The following PAK4 variants were observed in gnomAD, a reference collection of about 807,000 sequenced individuals.
PAK4 encodes p21 (RAC1) activated kinase 4.
PAK4 carries 49 observed loss-of-function variants against 53.5 expected under a neutral mutation model. The observed-to-expected ratio is 0.92, with a 90% CI of 0.73 to 1.16. The LOEUF (loss-of-function observed/expected upper bound fraction) is 1.16, where lower values mean the gene tolerates loss of function less well. Among genes scored for constraint, PAK4 ranks in the 50% most tolerant of loss-of-function variants. PAK4 has a pLI of 0.00. For synonymous variants in PAK4, 376 were observed against 375.6 expected, an observed-to-expected ratio of 1.00 and a Z score of -0.01; for missense variants, 824 against 850.7, an observed-to-expected ratio of 0.97 and a Z score of 0.39.
At chr19:39,132,623 C>T (rs938020132) in intron 1 of PAK4, among the ~76,000 whole-genome samples, 8 of 152,258 alleles carry the variant, frequency 5.3e-5, no homozygotes, top group East Asian at 3.8e-4. Context: ...AACAGGGCTG[C>T]GCCCGCCTGA....
At chr19:39,133,617 C>T (rs2073754894) in intron 1 of PAK4, among the ~76,000 whole-genome samples, 1 of 152,228 alleles carries the variant, frequency 6.6e-6, no homozygotes, top group African/African-American at 2.4e-5. Flanking sequence ...CCCCACCCAC[C>T]TTCTGCTGTC....
chr19:39,171,206 TG>T (rs1189038021), intron 2 of PAK4, among the ~76,000 whole-genome samples: 2 of 148,404 alleles, frequency 1.3e-5, no homozygotes, highest in East Asian at 4.1e-4. Flanking sequence ...GACTCCCTGT[TG>T]GTTTTTTTTT....
chr19:39,143,309 G>T (rs1482146560), intron 1 of PAK4, among the ~76,000 whole-genome samples: 2 of 136,790 alleles, frequency 1.5e-5, no homozygotes, highest in African/African-American at 2.7e-5. Context: ...AAAAAAAAAA[G>T]GCTGGGTGTG....
chr19:39,169,575 C>T (rs767251919), exon 2 of PAK4: 9 of 1,613,272 alleles, frequency 5.6e-6, no homozygotes, highest in East Asian at 2.2e-5. Flanking sequence ...GAGGAAGAAG[C>T]GGGTGGAGAT....
At chr19:39,138,451 G>C (rs545034209) in intron 1 of PAK4, among the ~76,000 whole-genome samples, 2 of 152,234 alleles carry the variant, frequency 1.3e-5, no homozygotes, top group Non-Finnish European at 2.9e-5. Context: ...CTGACACTGA[G>C]TCTCCCAATC....
At chr19:39,146,988 T>A (rs912314426) in intron 1 of PAK4, among the ~76,000 whole-genome samples, 5 of 151,810 alleles carry the variant, frequency 3.3e-5, no homozygotes, top group Admixed American at 6.6e-5. Context: ...TTTACCCAGT[T>A]TTCCCCAATG....
Position 39,175,518 on chromosome 19 carries a change from G to C in PAK4, c.1359+80G>C. 6 of 1,426,446 alleles carry C rather than the reference G, an allele frequency of 4.2e-6. No individual in the cohort carries two copies. The highest frequency in any genetic ancestry group is 2.4e-5 in the East Asian group (1 of 41,416). The allele number at this position is 1,426,446 out of a possible 1,614,324, so 88.4% of individuals were successfully genotyped here. ...CCCTGCCTCTTCCCATCCCCTGTGA[G>C]GGTAGGTGAGCTCTGACCCCCAGGT... On this transcript the variant is annotated intron_variant, in intron 6 of 8. Transcript: ENST00000358301. The surrounding 1 kb of genome is among the most constrained non-coding windows in gnomAD (Gnocchi z 4.7).
chr19:39,172,792 A>T (rs1016825278), intron 2 of PAK4, 126 bp from the exon 4 acceptor site: 107 of 806,380 alleles, frequency 1.3e-4, no homozygotes, highest in Non-Finnish European at 1.7e-4. Flanking sequence ...ACTCCATGGC[A>T]TCTCTTCATT....
At chr19:39,129,189 G>A (rs762445065) in intron 1 of PAK4, among the ~76,000 whole-genome samples, 10 of 151,996 alleles carry the variant, frequency 6.6e-5, no homozygotes, top group Admixed American at 1.3e-4. Flanking sequence ...GATTACAGGC[G>A]CGCACACCTG....
In PAK4 at chr19:39,169,528, G is replaced by C. The variant is rs558219950; in HGVS notation, c.-22-4G>C. On this transcript the variant is annotated splice_polypyrimidine_tract_variant and splice_region_variant and intron_variant, in intron 1 of 8. Coordinates refer to ENST00000358301, the Ensembl canonical transcript of PAK4. ...CACTCACCCACCGTGATTCCCTCCC[G>C]CAGGCCGCACCGAGTCCCCGGCACC... The C allele has an allele frequency of 1.6e-5, 26 of 1,604,200 alleles. No individual in the cohort carries two copies. The highest frequency in any genetic ancestry group is 1.9e-5 in the Non-Finnish European group (22 of 1,171,910).
At chr19:39,180,294 T>G (rs1439289054), downstream of PAK4, 1 of 151,942 alleles carries the variant, frequency 6.6e-6, no homozygotes, top group East Asian at 1.9e-4. Flanking sequence ...TATTGGAGGC[T>G]TAGGTGAGGT....
intron 1 of PAK4, among the ~76,000 whole-genome samples, chr19:39,143,525 G>A (rs188168160): frequency 2.8e-5 from 4 of 145,086 alleles, no homozygotes; most frequent in Admixed American, 2.1e-4. Flanking sequence ...CCCAGGAGGC[G>A]GAGGTTGCAG....
chr19:39,161,190 G>A lies in PAK4; in HGVS notation c.-22-8342G>A, dbSNP rs938775507. On this transcript the variant is annotated intron_variant, in intron 1 of 8. Transcript: ENST00000358301. This position sits in a 1 kb window ranked among gnomAD's most constrained non-coding sequence, Gnocchi z 4.5. ...AGCCCTTGTGAGTCCACGCCCTGCT[G>A]TAGGCACTGAAATGCAGCCATCATG... Among the ~76,000 whole-genome samples, 5 of 152,262 alleles carry A rather than the reference G, an allele frequency of 3.3e-5. No homozygotes were observed. The highest frequency in any genetic ancestry group is 1.3e-4 in the Admixed American group (2 of 15,288).
At position 39,173,281 on chromosome 19, in the gene PAK4, C is replaced by T; in HGVS notation, c.568C>T (p.Pro190Ser). ...CGGGCCTGATGTCGGCACCCCCCAG[C>T]CTGCTGGTCTGGCCAGTGGGGCGAA... Residue 190 changes from proline (P) to serine (S), a missense_variant, in exon 3 of 9, where the codon CCT becomes TCT. This residue lies in a region of PAK4 where 478 missense variants were observed against 435.8 expected (regional missense o/e 1.10). Coordinates refer to ENST00000358301, the Ensembl canonical transcript of PAK4. This position sits in a 1 kb window ranked among gnomAD's most constrained non-coding sequence, Gnocchi z 6.9. The T allele has an allele frequency of 6.2e-7, 1 of 1,604,858 alleles. No homozygotes were observed. The highest frequency in any genetic ancestry group is 8.5e-7 in the Non-Finnish European group (1 of 1,176,532).
chr19:39,141,771 G>A (rs1049066910), intron 1 of PAK4, among the ~76,000 whole-genome samples: 32 of 152,122 alleles, frequency 2.1e-4, no homozygotes, highest in African/African-American at 7.7e-4. Context: ...GAGTAGCTGG[G>A]ATTACAGGCG....
chr19:39,169,713 G>A (rs148292608), exon 2 of PAK4: 34 of 1,610,572 alleles, frequency 2.1e-5, no homozygotes, highest in South Asian at 1.1e-4. Context: ...CAAGCCCCTC[G>A]TCGACCCCGC....
In PAK4 at chr19:39,173,494, C is replaced by T. The variant is rs964661253; in HGVS notation, c.664-82C>T. 7 of 1,359,646 alleles carry T rather than the reference C, an allele frequency of 5.1e-6. No homozygotes were observed. The African/African-American group carries it at 7.3e-5, about 14-fold the overall frequency. 84.2% of individuals were successfully genotyped at this position (1,359,646 alleles called of 1,614,324 possible). ...ATCCTGACCACCCATGTGTCTGTCC[C>T]ATCGCTGGGTCTCTCTCCTGCTTAG... On this transcript the variant is annotated intron_variant, in intron 3 of 8. Coordinates refer to ENST00000358301, the Ensembl canonical transcript of PAK4. This position sits in a 1 kb window ranked among gnomAD's most constrained non-coding sequence, Gnocchi z 6.9.
intron 1 of PAK4, among the ~76,000 whole-genome samples, chr19:39,144,790 G>A (rs992229319): frequency 6.6e-6 from 1 of 152,142 alleles, no homozygotes; most frequent in African/African-American, 2.4e-5. Context: ...GTGTGTGTGT[G>A]TGTGCACTTG....
At chr19:39,127,361 C>G (rs895997845) in intron 1 of PAK4, among the ~76,000 whole-genome samples, 6 of 152,058 alleles carry the variant, frequency 3.9e-5, no homozygotes, top group African/African-American at 7.2e-5. Context: ...GCTGGGAATC[C>G]TTTCCCCACC....
Sources: gnomAD v4.1 joint callset for allele counts (sites outside exome capture counted in the v4.1 genomes callset) on GRCh38, gnomAD v4.1.1 for gene constraint, gnomAD v4.1.1 regional missense constraint, Gnocchi (gnomAD v3.1) non-coding constraint, MANE v1.5 for transcripts, NCBI Gene and HGNC (gene_info 2026-07-23, HGNC 2026-07-21) for gene names.